The following PCDH9 variants were observed in gnomAD, a reference collection of about 807,000 sequenced individuals.
PCDH9 encodes the protein protocadherin-9.
A neutral mutation model predicts 70.6 loss-of-function variants in PCDH9; 24 were observed. The observed-to-expected ratio is 0.34, with a 90% CI of 0.25 to 0.48. The LOEUF (loss-of-function observed/expected upper bound fraction) is 0.48. Among genes scored for constraint, PCDH9 ranks in the 20% least tolerant of loss-of-function variants. The pLI, the probability that PCDH9 is intolerant of heterozygous loss-of-function variation, is 0.99. For synonymous variants in PCDH9, 562 were observed against 558.5 expected, an observed-to-expected ratio of 1.01 and a Z score of -0.09; for missense variants, 1,281 against 1,503.6, an observed-to-expected ratio of 0.85 and a Z score of 2.45.
At chr13:66,383,342 T>C (rs934514654) in intron 4 of PCDH9, among the ~76,000 whole-genome samples, 3 of 152,222 alleles carry the variant, frequency 2.0e-5, no homozygotes, top group Admixed American at 2.0e-4. Context: ...TCTCATTACC[T>C]TTCTTCTAAG....
intron 4 of PCDH9, among the ~76,000 whole-genome samples, chr13:66,458,612 G>T (rs1958364657): frequency 6.6e-6 from 1 of 152,008 alleles, no homozygotes; most frequent in South Asian, 2.1e-4. Context: ...TGGAAGTGTA[G>T]TGGAATGAAA....
chr13:66,664,384 A>G (rs755285242), intron 3 of PCDH9, among the ~76,000 whole-genome samples: 1 of 151,970 alleles, frequency 6.6e-6, no homozygotes, highest in Non-Finnish European at 1.5e-5. Context: ...GAGGTTGAAC[A>G]TGGACACTTT....
intron 3 of PCDH9, among the ~76,000 whole-genome samples, chr13:66,829,657 G>T (rs1021853985): frequency 2.2e-5 from 3 of 134,032 alleles, no homozygotes; most frequent in African/African-American, 5.4e-5. Flanking sequence ...GGCGGAGCTT[G>T]CAGTGAGCCG....
At chr13:66,944,615 A>T (rs1003695048) in intron 2 of PCDH9, among the ~76,000 whole-genome samples, 6 of 152,126 alleles carry the variant, frequency 3.9e-5, no homozygotes, top group Non-Finnish European at 8.8e-5. Context: ...TCTTTTCTTA[A>T]GCCAGCTGCC....
chr13:67,094,520 T>A lies in PCDH9; in HGVS notation c.3036+130885A>T, dbSNP rs372388171. Among the ~76,000 whole-genome samples, 15 of 152,344 alleles carry A rather than the reference T, an allele frequency of 9.8e-5. No individual in the cohort carries two copies. In the South Asian group the frequency reaches 2.9e-3, roughly 29 times the overall value. On this transcript the variant is annotated intron_variant, in intron 2 of 4. Transcript: ENST00000377865. ...CTACCCTTAGAAACACGTATTTGCA[T>A]CTTTACTTCTCAAATGTTGGTAATA...
Position 66,303,374 on chromosome 13 carries a change from G to A in PCDH9, c.*1281C>T, listed in dbSNP as rs1955403721. On this transcript the variant is annotated 3_prime_UTR_variant, in exon 5 of 5. Transcript: ENST00000377865. Reference sequence around the variant, plus strand: ...TACCTGCCAGGCATTGACCAACTATGATAACAAACAGTTAAACAGCAATAA... The same window carrying A: ...TACCTGCCAGGCATTGACCAACTATAATAACAAACAGTTAAACAGCAATAA... 6.6e-6 allele frequency: 1 copy of A among 152,372 alleles called. No individual in the cohort carries two copies. The highest frequency in any genetic ancestry group is 2.4e-5 in the African/African-American group (1 of 41,402). 9.4% of individuals were successfully genotyped at this position (152,372 alleles called of 1,614,324 possible).
chr13:66,945,665 A>G (rs975121971), intron 2 of PCDH9, among the ~76,000 whole-genome samples: 3 of 152,074 alleles, frequency 2.0e-5, no homozygotes, highest in African/African-American at 7.2e-5. Context: ...GCTTTTGAGT[A>G]TTGTTGTATT....
chr13:66,396,695 C>T (rs1467467282), intron 4 of PCDH9, among the ~76,000 whole-genome samples: 1 of 152,198 alleles, frequency 6.6e-6, no homozygotes, highest in African/African-American at 2.4e-5. Flanking sequence ...CACCTTGCCA[C>T]ATACCAAGTT....
chr13:67,177,338 C>T (rs185214647), intron 2 of PCDH9, among the ~76,000 whole-genome samples: 5 of 152,220 alleles, frequency 3.3e-5, no homozygotes, highest in African/African-American at 9.6e-5. Context: ...TGAAAAAACT[C>T]TTTGTTCCTT....
At chr13:66,714,970 T>C (rs894409230) in intron 3 of PCDH9, among the ~76,000 whole-genome samples, 1 of 152,178 alleles carries the variant, frequency 6.6e-6, no homozygotes, top group East Asian at 1.9e-4. Flanking sequence ...TCTTAGTTCA[T>C]AGAAAACATT....
chr13:66,791,486 G>C (rs1425836649), intron 3 of PCDH9, among the ~76,000 whole-genome samples: 1 of 151,916 alleles, frequency 6.6e-6, no homozygotes, highest in Non-Finnish European at 1.5e-5. Flanking sequence ...ATATTAAGTT[G>C]GTGCAAAAGT....
intron 4 of PCDH9, among the ~76,000 whole-genome samples, chr13:66,603,964 A>G (rs1258657769): frequency 5.3e-5 from 8 of 152,030 alleles, no homozygotes; most frequent in Non-Finnish European, 1.0e-4. Context: ...CTTAAATTAG[A>G]TGTGGTTGTA....
chr13:66,551,044 G>C (rs1307785347), intron 4 of PCDH9, among the ~76,000 whole-genome samples: 1 of 152,088 alleles, frequency 6.6e-6, no homozygotes, highest in African/African-American at 2.4e-5. Context: ...TTTCCAGCTG[G>C]GGATTTCAAG....
intron 4 of PCDH9, among the ~76,000 whole-genome samples, chr13:66,422,206 A>G (rs1288917566): frequency 6.6e-6 from 1 of 152,178 alleles, no homozygotes; most frequent in Non-Finnish European, 1.5e-5. Context: ...ATGGAATAAT[A>G]ATGGGAGACT....
chr13:66,814,520 G>C (rs917922579), intron 3 of PCDH9, among the ~76,000 whole-genome samples: 1 of 152,014 alleles, frequency 6.6e-6, no homozygotes, highest in Non-Finnish European at 1.5e-5. Flanking sequence ...TATAATAATA[G>C]AAGCCTTTTA....
At chr13:66,590,953 T>C (rs555230508) in intron 4 of PCDH9, among the ~76,000 whole-genome samples, 2 of 151,566 alleles carry the variant, frequency 1.3e-5, no homozygotes, top group Non-Finnish European at 3.0e-5. Flanking sequence ...ACCCAAAACA[T>C]GTGGTTCTGT....
At chr13:66,989,519 C>CAT (rs1436240422) in intron 2 of PCDH9, among the ~76,000 whole-genome samples, 1 of 151,868 alleles carries the variant, frequency 6.6e-6, no homozygotes, top group African/African-American at 2.4e-5. Flanking sequence ...TAATGAATGT[C>CAT]ACTTCCTGAT....
At chr13:66,894,577 T>C (rs2082146400) in intron 3 of PCDH9, among the ~76,000 whole-genome samples, 1 of 152,134 alleles carries the variant, frequency 6.6e-6, no homozygotes, top group Admixed American at 6.6e-5. Context: ...TAACTATAAC[T>C]GAACCTCCAT....
intron 2 of PCDH9, among the ~76,000 whole-genome samples, chr13:66,964,725 G>A (rs2083404041): frequency 6.6e-6 from 1 of 151,886 alleles, no homozygotes; most frequent in Non-Finnish European, 1.5e-5. Flanking sequence ...TAGACAAGAT[G>A]CTATTTCAGA....
Sources: allele counts gnomAD v4.1 joint callset (sites outside exome capture counted in the v4.1 genomes callset), GRCh38; gene constraint gnomAD v4.1.1; transcripts MANE v1.5; gene names NCBI Gene and HGNC (gene_info 2026-07-23, HGNC 2026-07-21).